SKIL: variants seen among roughly 807,000 people sequenced by gnomAD.
SKIL encodes the protein SKI like proto-oncogene.
In SKIL, 20 loss-of-function variants were observed where a neutral mutation model predicts 69.6. The ratio of observed to expected loss-of-function variants is 0.29; its 90% CI spans 0.20 to 0.42. SKIL has a LOEUF of 0.42. Ranked by LOEUF, SKIL falls within the 10% of genes least tolerant of loss-of-function variation. SKIL has a pLI of 1.00. For synonymous variants in SKIL, 310 were observed against 279.9 expected, an observed-to-expected ratio of 1.11 and a Z score of -1.08; for missense variants, 745 against 783.1, an observed-to-expected ratio of 0.95 and a Z score of 0.58.
At chr3:170,364,733 A>T (rs1249844093) in intron 2 of SKIL, among the ~76,000 whole-genome samples, 2 of 134,056 alleles carry the variant, frequency 1.5e-5, no homozygotes, top group South Asian at 2.3e-4. Flanking sequence ...ATAAAGGTTT[A>T]AAAAAAAAAA....
At chr3:170,388,845 G>T (rs368987369) in intron 4 of SKIL, among the ~76,000 whole-genome samples, 4 of 145,730 alleles carry the variant, frequency 2.7e-5, no homozygotes, top group African/African-American at 1.0e-4. Context: ...CCAATTCCAA[G>T]AAATATTTAT....
At chr3:170,392,218 A>C in intron 6 of SKIL, 41 bp from the exon 7 acceptor site, 1 of 1,515,512 alleles carries the variant, frequency 6.6e-7, no homozygotes, top group South Asian at 1.3e-5. Context: ...AAATGGAAAA[A>C]CAAAACAATT....
At chr3:170,364,537 G>C (rs1305294846) in intron 2 of SKIL, among the ~76,000 whole-genome samples, 1 of 150,736 alleles carries the variant, frequency 6.6e-6, no homozygotes, top group Non-Finnish European at 1.5e-5. Flanking sequence ...CTAGCCGGCT[G>C]GTCTTAACTC....
rs147043497 is a variant in SKIL, at chr3:170,371,522, A to G, written c.1099-9722A>G. Among the ~76,000 whole-genome samples the G allele has an allele frequency of 6.3e-3, 966 of 152,280 alleles. 11 individuals are homozygous for G. The highest frequency in any genetic ancestry group is 9.2e-3 in the Non-Finnish European group (627 of 68,016). On this transcript the variant is annotated intron_variant, in intron 2 of 6. Coordinates refer to ENST00000259119, the MANE Select transcript of SKIL (RefSeq NM_005414.5). ...ACTCTGTCTCAAAAAAAGAAAAAGA[A>G]AAACAAAAGGAGTAGTTACTGGAAT...
At chr3:170,359,225 C>G (rs543223663) in intron 1 of SKIL, among the ~76,000 whole-genome samples, 104 of 152,284 alleles carry the variant, frequency 6.8e-4, no homozygotes, top group Admixed American at 1.2e-3. Context: ...AATGAATGTT[C>G]TTCTAGTAAA....
rs1736702176 is a variant in SKIL, at chr3:170,369,617, A to C, written c.1098+8188A>C. Reference sequence around the variant, plus strand: ...TGGTTTCACCATATTGGTCAGGCTGATCTCGAACTCCGTACCTCAGGTGAT... The same window carrying C: ...TGGTTTCACCATATTGGTCAGGCTGCTCTCGAACTCCGTACCTCAGGTGAT... On this transcript the variant is annotated intron_variant, in intron 2 of 6. Transcript: ENST00000259119. Among the ~76,000 whole-genome samples the C allele has an allele frequency of 2.0e-5, 3 of 152,096 alleles. 1 individual carries two copies. The highest frequency in any genetic ancestry group is 3.4e-3 in the Middle Eastern group (1 of 294).
At chr3:170,383,634 G>A (rs769004426) in intron 3 of SKIL, among the ~76,000 whole-genome samples, 7 of 152,172 alleles carry the variant, frequency 4.6e-5, no homozygotes, top group Non-Finnish European at 1.0e-4. Context: ...TATCAAATGA[G>A]TAGGAAGTAG....
At chr3:170,367,207 C>T (rs1736574156) in intron 2 of SKIL, among the ~76,000 whole-genome samples, 1 of 152,020 alleles carries the variant, frequency 6.6e-6, no homozygotes, top group African/African-American at 2.4e-5. Context: ...CTCCCAGGTT[C>T]ACGCCATTCT....
intron 2 of SKIL, among the ~76,000 whole-genome samples, chr3:170,378,547 C>CT (rs1358103474): frequency 1.5e-5 from 1 of 65,570 alleles, no homozygotes; most frequent in Non-Finnish European, 3.7e-5. Flanking sequence ...GACTCTCTCT[C>CT]TCTCTCTTTT....
At chr3:170,377,928 C>G (rs374637213) in intron 2 of SKIL, among the ~76,000 whole-genome samples, 6 of 151,754 alleles carry the variant, frequency 4.0e-5, no homozygotes, top group African/African-American at 1.5e-4. Context: ...GAGTCTTGCT[C>G]TGTCACCCAG....
Position 170,391,022 on chromosome 3 carries a change from T to C in SKIL, c.1672-14T>C. 2 of 1,345,530 alleles carry C rather than the reference T, an allele frequency of 1.5e-6. No homozygotes were observed. Among genetic ancestry groups the C allele is most frequent in the Non-Finnish European group, 2.1e-6 (2 of 953,180 alleles). The allele number at this position is 1,345,530 out of a possible 1,614,324, so 83.3% of individuals were successfully genotyped here. On this transcript the variant is annotated splice_polypyrimidine_tract_variant and intron_variant, in intron 5 of 6. Transcript: ENST00000259119. ...AATAAAGTAAAACTTGTATTGTGAT[T>C]CTTTACATTACAGGAAGTAAAAATG...
intron 1 of SKIL, among the ~76,000 whole-genome samples, chr3:170,359,110 CTAAT>C (rs770314316): frequency 7.2e-5 from 11 of 152,146 alleles, no homozygotes; most frequent in Non-Finnish European, 1.5e-4. Context: ...CCCGGTACTA[CTAAT>C]TGAGATGATC....
At chr3:170,361,820 C>T (rs1315861611) in intron 2 of SKIL, among the ~76,000 whole-genome samples, 1 of 151,278 alleles carries the variant, frequency 6.6e-6, no homozygotes, top group East Asian at 1.9e-4. Flanking sequence ...CTCCTGACCG[C>T]GTGATCCGCC....
rs569473031 is a variant in SKIL, at chr3:170,371,948, A to T, written c.1099-9296A>T. Among the ~76,000 whole-genome samples the T allele has an allele frequency of 3.7e-4, 57 of 152,374 alleles. 1 individual carries two copies. The highest frequency in any genetic ancestry group is 1.3e-3 in the African/African-American group (56 of 41,600). On this transcript the variant is annotated intron_variant, in intron 2 of 6. Coordinates refer to ENST00000259119, the MANE Select transcript of SKIL (RefSeq NM_005414.5). ...CTCTGTTTTGAAATTGCCAGTTTAC[A>T]TTATTTGAAGGCCAGAATAATCCAG...
chr3:170,386,829 GTAA>G (rs1389334484), intron 4 of SKIL, among the ~76,000 whole-genome samples: 5 of 151,998 alleles, frequency 3.3e-5, no homozygotes, highest in Admixed American at 2.0e-4. Context: ...ACAAAAATTA[GTAA>G]TGACTATTAT....
At chr3:170,367,001 A>G (rs1398159107) in intron 2 of SKIL, among the ~76,000 whole-genome samples, 1 of 152,256 alleles carries the variant, frequency 6.6e-6, no homozygotes, top group Non-Finnish European at 1.5e-5. Flanking sequence ...TCAACAGGCA[A>G]ATTAATCATT....
intron 5 of SKIL, 116 bp downstream of exon 5, chr3:170,390,580 A>G (rs926270447): frequency 3.2e-5 from 24 of 752,854 alleles, no homozygotes; most frequent in Non-Finnish European, 5.0e-5. Flanking sequence ...TCCACCTCAC[A>G]GGTTCAAGCA....
At chr3:170,363,331 A>G (rs2108893571) in intron 2 of SKIL, among the ~76,000 whole-genome samples, 1 of 152,288 alleles carries the variant, frequency 6.6e-6, no homozygotes, top group South Asian at 2.1e-4. Flanking sequence ...TTTAGTTAAC[A>G]GTGTAGTTTA....
At chr3:170,386,619 C>T (rs778119021) in intron 4 of SKIL, among the ~76,000 whole-genome samples, 11 of 151,826 alleles carry the variant, frequency 7.2e-5, no homozygotes, top group Non-Finnish European at 1.5e-4. Context: ...AGGCATGTGC[C>T]ACTGCGCCTG....
Sources: gnomAD v4.1 joint callset for allele counts (sites outside exome capture counted in the v4.1 genomes callset) on GRCh38, gnomAD v4.1.1 for gene constraint, MANE v1.5 for transcripts, NCBI Gene and HGNC (gene_info 2026-07-23, HGNC 2026-07-21) for gene names.